The following WASF3 variants were observed in gnomAD, a reference collection of about 807,000 sequenced individuals.
WASF3 encodes WASP family member 3.
A neutral mutation model predicts 46.6 loss-of-function variants in WASF3; 11 were observed. The ratio of observed to expected loss-of-function variants is 0.24; its 90% CI spans 0.15 to 0.39. The LOEUF (loss-of-function observed/expected upper bound fraction) is 0.39. WASF3 is among the 10% of genes least tolerant of loss of function. The pLI, the probability that WASF3 is intolerant of heterozygous loss-of-function variation, is 1.00. For missense variants in WASF3, 576 were observed against 669.8 expected, an observed-to-expected ratio of 0.86 and a Z score of 1.55; for synonymous variants, 242 against 259.7, an observed-to-expected ratio of 0.93 and a Z score of 0.65.
At chr13:26,658,288 A>G (rs578057361) in intron 3 of WASF3, among the ~76,000 whole-genome samples, 2 of 152,346 alleles carry the variant, frequency 1.3e-5, no homozygotes, top group East Asian at 3.9e-4. Context: ...CAGAAACACA[A>G]TAATTGGTTT....
chr13:26,546,616 G>A, the WASF3 span, among the ~76,000 whole-genome samples: 2 of 152,204 alleles, frequency 1.3e-5, no homozygotes, highest in South Asian at 4.1e-4. Flanking sequence ...GGAAGCTGAG[G>A]CAGGAAAATG....
In WASF3 at chr13:26,573,346, T is replaced by G. The variant is rs567747186; in HGVS notation, c.-109+15527T>G. Reference sequence around the variant, plus strand: ...CTCATTTTTCCTTGATAAACTTAGATTGTGCTTTATTTCAGTTTTTTTTGA... The same window carrying G: ...CTCATTTTTCCTTGATAAACTTAGAGTGTGCTTTATTTCAGTTTTTTTTGA... On this transcript the variant is annotated intron_variant, in intron 1 of 9. Coordinates refer to ENST00000335327, the MANE Select transcript of WASF3 (RefSeq NM_006646.6). Among the ~76,000 whole-genome samples the G allele has an allele frequency of 3.3e-5, 5 of 152,252 alleles. No individual in the cohort carries two copies. The South Asian group carries it at 1.0e-3, about 32-fold the overall frequency.
At chr13:26,548,676 A>G in the WASF3 span, among the ~76,000 whole-genome samples, 1 of 152,256 alleles carries the variant, frequency 6.6e-6, no homozygotes, top group Non-Finnish European at 1.5e-5. Context: ...ATTTCCTAGC[A>G]AGATATTCAT....
Position 26,669,706 on chromosome 13 carries a change from G to A in WASF3, c.422+2036G>A, listed in dbSNP as rs565738346. Reference sequence around the variant, plus strand: ...TTTTTGTATTTTTAGTAGAGATGGGGTTTTACCATGTTGGTCAGGCTGGTC... The same window carrying A: ...TTTTTGTATTTTTAGTAGAGATGGGATTTTACCATGTTGGTCAGGCTGGTC... On this transcript the variant is annotated intron_variant, in intron 5 of 9. Coordinates refer to ENST00000335327, the MANE Select transcript of WASF3 (RefSeq NM_006646.6). Among the ~76,000 whole-genome samples the A allele has an allele frequency of 1.4e-4, 22 of 152,226 alleles. No individual in the cohort carries two copies. The East Asian group carries it at 4.1e-3, about 28-fold the overall frequency.
At chr13:26,671,582 C>T (rs1444824652) in intron 5 of WASF3, among the ~76,000 whole-genome samples, 1 of 152,016 alleles carries the variant, frequency 6.6e-6, no homozygotes, top group Non-Finnish European at 1.5e-5. Context: ...TTATAAATTG[C>T]TGAATATGAG....
intron 1 of WASF3, among the ~76,000 whole-genome samples, chr13:26,597,444 T>TTTG (rs376294093): frequency 0.039 from 5,914 of 152,120 alleles, 129 homozygotes; most frequent in Non-Finnish European, 0.05. Context: ...CCCTTGATTT[T>TTTG]TTGTTGTTGT....
At chr13:26,557,426 T>A (rs1879123880), upstream of WASF3, among the ~76,000 whole-genome samples, 2 of 152,084 alleles carry the variant, frequency 1.3e-5, no homozygotes, top group Admixed American at 1.3e-4. Context: ...TATCCCCACC[T>A]CTCCTCGCTG....
chr13:26,675,914 A>G (rs1015121671), intron 6 of WASF3, among the ~76,000 whole-genome samples: 4 of 152,220 alleles, frequency 2.6e-5, no homozygotes, highest in African/African-American at 7.2e-5. Context: ...TTAGAGGCAC[A>G]CATAGAAATA....
At chr13:26,631,527 C>G (rs1385190594) in intron 2 of WASF3, among the ~76,000 whole-genome samples, 3 of 152,086 alleles carry the variant, frequency 2.0e-5, no homozygotes, top group Non-Finnish European at 4.4e-5. Context: ...TTCCATTGGT[C>G]TATATCTCTG....
At chr13:26,608,857 T>C (rs576365664) in intron 1 of WASF3, among the ~76,000 whole-genome samples, 3 of 152,312 alleles carry the variant, frequency 2.0e-5, no homozygotes, top group African/African-American at 7.2e-5. Flanking sequence ...ATTTCTATAG[T>C]GTCTTGCAAT....
chr13:26,558,418 G>A (rs940853271), intron 1 of WASF3, among the ~76,000 whole-genome samples: 2 of 152,170 alleles, frequency 1.3e-5, no homozygotes, highest in Admixed American at 6.5e-5. Flanking sequence ...AGACCAGGCC[G>A]GACTCTTGGA....
At chr13:26,554,040 T>TTTCCTTCCTTCCTTCC (rs1172684562), upstream of WASF3, among the ~76,000 whole-genome samples, 1 of 35,504 alleles carries the variant, frequency 2.8e-5, no homozygotes, top group Non-Finnish European at 5.9e-5. Context: ...TTTCTCTTTC[T>TTTCCTTCCTTCCTTCC]TTCCTTCCTT....
the WASF3 span, among the ~76,000 whole-genome samples, chr13:26,540,648 G>A: frequency 1.3e-5 from 2 of 152,162 alleles, no homozygotes; most frequent in Admixed American, 1.3e-4. Flanking sequence ...CGCCCCATCT[G>A]GACTAGATTT....
At chr13:26,645,075 A>G (rs951730456) in intron 3 of WASF3, among the ~76,000 whole-genome samples, 2 of 152,212 alleles carry the variant, frequency 1.3e-5, no homozygotes, top group Admixed American at 1.3e-4. Flanking sequence ...AACGAAGATA[A>G]CTGAGTGCAA....
chr13:26,606,320 T>TTGTGTG, intron 1 of WASF3, among the ~76,000 whole-genome samples: 1 of 104,650 alleles, frequency 9.6e-6, no homozygotes, highest in South Asian at 3.8e-4. Flanking sequence ...CTCTTTTTTT[T>TTGTGTG]CGTGTGTGTG....
intron 1 of WASF3, among the ~76,000 whole-genome samples, chr13:26,559,967 G>A (rs1192659628): frequency 1.3e-5 from 2 of 151,142 alleles, no homozygotes; most frequent in East Asian, 1.9e-4. Context: ...ACAGGCGCCC[G>A]CCACCATGCC....
chr13:26,655,647 G>C (rs2137442050), intron 3 of WASF3, among the ~76,000 whole-genome samples: 1 of 152,178 alleles, frequency 6.6e-6, no homozygotes, highest in South Asian at 2.1e-4. Context: ...TTTTTGTCAT[G>C]CCATAATTTC....
In WASF3 at chr13:26,631,096, C is replaced by G. The variant is rs141751854; in HGVS notation, c.-10-11165C>G. On this transcript the variant is annotated intron_variant, in intron 2 of 9. Coordinates refer to ENST00000335327, the MANE Select transcript of WASF3 (RefSeq NM_006646.6). ...TAGATTGCAAAAATTTTCTCCCATT[C>G]TGTAGGTTGCCTCTTCACTCTGATG... Among the ~76,000 whole-genome samples, 855 of 152,236 alleles carry G rather than the reference C, an allele frequency of 5.6e-3. 10 individuals are homozygous for G. Among genetic ancestry groups the G allele is most frequent in the African/African-American group, 0.02 (814 of 41,554 alleles).
At chr13:26,673,896 G>A (rs551738446) in intron 6 of WASF3, among the ~76,000 whole-genome samples, 1 of 152,184 alleles carries the variant, frequency 6.6e-6, no homozygotes, top group African/African-American at 2.4e-5. Context: ...CTAAGGAGGT[G>A]TCATGCAGGC....
Sources: gnomAD v4.1 joint callset for allele counts (sites outside exome capture counted in the v4.1 genomes callset) on GRCh38, gnomAD v4.1.1 for gene constraint, MANE v1.5 for transcripts, NCBI Gene and HGNC (gene_info 2026-07-23, HGNC 2026-07-21) for gene names.